The following CSMD1 variants were observed in gnomAD, a reference collection of about 807,000 sequenced individuals.
CSMD1 encodes the protein CUB and Sushi multiple domains 1, also known as CUB and sushi domain-containing protein 1.
In CSMD1, 213 loss-of-function variants were observed where a neutral mutation model predicts 417.5. The ratio of observed to expected loss-of-function variants is 0.51; its 90% CI spans 0.46 to 0.57. The LOEUF is 0.57. CSMD1 is among the 20% of genes least tolerant of loss of function. The pLI is 0.00. For missense variants in CSMD1, 6,923 were observed against 4,529.7 expected, an observed-to-expected ratio of 1.53 and a Z score of -15.17; for synonymous variants, 2,862 against 1,736.8, an observed-to-expected ratio of 1.65 and a Z score of -16.11.
At chr8:3,827,376 G>T (rs745602489) in intron 5 of CSMD1, among the ~76,000 whole-genome samples, 3 of 152,142 alleles carry the variant, frequency 2.0e-5, no homozygotes, top group Non-Finnish European at 2.9e-5. Flanking sequence ...TTCTGTTTCA[G>T]TACCACCTGT....
At chr8:4,094,820 C>T (rs1479583377) in intron 3 of CSMD1, among the ~76,000 whole-genome samples, 2 of 152,046 alleles carry the variant, frequency 1.3e-5, no homozygotes, top group East Asian at 3.9e-4. Context: ...GGAGCAAACG[C>T]TTATCAAGGA....
At chr8:4,453,145 G>C (rs5000535) in intron 2 of CSMD1, among the ~76,000 whole-genome samples, 1 of 151,672 alleles carries the variant, frequency 6.6e-6, no homozygotes, top group South Asian at 2.1e-4. Flanking sequence ...ACCAATTTGA[G>C]GCAAATATGG....
intron 7 of CSMD1, among the ~76,000 whole-genome samples, chr8:3,705,058 G>A (rs540839059): frequency 6.6e-6 from 1 of 152,300 alleles, no homozygotes; most frequent in South Asian, 2.1e-4. Flanking sequence ...GTCCCACCAG[G>A]AAACAGATGT....
chr8:3,726,500 G>A lies in CSMD1; in HGVS notation c.932-18009C>T, dbSNP rs1214504590. On this transcript the variant is annotated intron_variant, in intron 6 of 69. Transcript: ENST00000635120. ...GGGATGCTTTAAACCAGAGATGAGA[G>A]GCCAACTCTGAACACCTTTATTCTC... Among the ~76,000 whole-genome samples the A allele has an allele frequency of 4.6e-5, 7 of 151,982 alleles. No homozygotes were observed. The East Asian group carries it at 1.4e-3, about 29-fold the overall frequency.
intron 1 of CSMD1, among the ~76,000 whole-genome samples, chr8:4,734,678 A>G (rs915294396): frequency 2.6e-5 from 4 of 152,194 alleles, no homozygotes; most frequent in East Asian, 3.9e-4. Context: ...GCTCTTACCC[A>G]TTTGACATGA....
intron 5 of CSMD1, among the ~76,000 whole-genome samples, chr8:3,852,441 G>A (rs529596128): frequency 1.3e-5 from 2 of 152,314 alleles, no homozygotes; most frequent in East Asian, 1.9e-4. Flanking sequence ...AAGACGTCGG[G>A]AAGAGGGTAG....
At chr8:4,667,337 A>G (rs1805004183) in intron 1 of CSMD1, among the ~76,000 whole-genome samples, 1 of 151,960 alleles carries the variant, frequency 6.6e-6, no homozygotes, top group Non-Finnish European at 1.5e-5. Context: ...GCCATTCTAG[A>G]TTCTCTGCTT....
At chr8:3,220,037 C>T (rs978027034) in intron 28 of CSMD1, among the ~76,000 whole-genome samples, 2 of 150,826 alleles carry the variant, frequency 1.3e-5, no homozygotes, top group Non-Finnish European at 2.9e-5. Context: ...CCTAGCTACT[C>T]AGGAAGCTAA....
rs76784286 is a variant in CSMD1 at position 4,370,984 on chromosome 8, G to T, written c.415+48969C>A. ...GGCGAGCTAGTGTGATTGTTTGGAG[G>T]CAAGAAGACACACTGACCTTTAGTG... On this transcript the variant is annotated intron_variant, in intron 3 of 69. Coordinates refer to ENST00000635120, the MANE Select transcript of CSMD1 (RefSeq NM_033225.6). 3.1e-4 allele frequency among the ~76,000 whole-genome samples: 47 copies of T among 152,178 alleles called. 1 individual carries two copies. Among genetic ancestry groups the T allele is most frequent in the Non-Finnish European group, 5.6e-4 (38 of 68,032 alleles).
intron 50 of CSMD1, among the ~76,000 whole-genome samples, chr8:3,045,485 T>A (rs1052130263): frequency 1.3e-5 from 2 of 152,218 alleles, no homozygotes; most frequent in East Asian, 3.8e-4. Flanking sequence ...CATTTACCTG[T>A]GAACTGCAAG....
At chr8:3,710,168 G>GT (rs1333016881) in intron 6 of CSMD1, among the ~76,000 whole-genome samples, 2 of 152,072 alleles carry the variant, frequency 1.3e-5, no homozygotes, top group Admixed American at 6.5e-5. Flanking sequence ...TTGTCTGCAA[G>GT]TTTTTTGTTT....
chr8:4,146,046 G>A (rs983048000), intron 3 of CSMD1, among the ~76,000 whole-genome samples: 2 of 150,730 alleles, frequency 1.3e-5, no homozygotes, highest in Non-Finnish European at 2.9e-5. Flanking sequence ...TGAACACTTA[G>A]CAACATTGCA....
chr8:2,954,626 T>C (rs1197257743), intron 64 of CSMD1, among the ~76,000 whole-genome samples: 2 of 152,192 alleles, frequency 1.3e-5, no homozygotes, highest in Admixed American at 6.5e-5. Context: ...ATAACCATGA[T>C]GTTACAGTCC....
chr8:4,866,178 A>G (rs1802409599), intron 1 of CSMD1, among the ~76,000 whole-genome samples: 1 of 151,974 alleles, frequency 6.6e-6, no homozygotes, highest in Non-Finnish European at 1.5e-5. Context: ...TAAGAGGTGG[A>G]TGACCACCAT....
At chr8:3,564,517 T>TTTTGTG (rs144757433) in intron 10 of CSMD1, among the ~76,000 whole-genome samples, 88 of 145,494 alleles carry the variant, frequency 6.0e-4, no homozygotes, top group Non-Finnish European at 9.3e-4. Context: ...CACAGTATAT[T>TTTTGTG]TGTGTGTGTG....
chr8:4,943,489 C>T (rs1245702937), intron 1 of CSMD1, among the ~76,000 whole-genome samples: 1 of 109,294 alleles, frequency 9.1e-6, no homozygotes, highest in Admixed American at 1.2e-4. Context: ...GAGTGAGACA[C>T]CGTCTCAAAA....
At chr8:4,853,287 A>G (rs1485069710) in intron 1 of CSMD1, among the ~76,000 whole-genome samples, 1 of 152,228 alleles carries the variant, frequency 6.6e-6, no homozygotes, top group African/African-American at 2.4e-5. Flanking sequence ...CAAAGAAAGA[A>G]CAATTTTATG....
intron 3 of CSMD1, among the ~76,000 whole-genome samples, chr8:4,143,219 T>C (rs1402173195): frequency 6.6e-6 from 1 of 151,230 alleles, no homozygotes; most frequent in African/African-American, 2.5e-5. Context: ...CAGAACGGTG[T>C]GGTCTAAACC....
At chr8:3,490,875 A>ATT (rs905479181) in intron 11 of CSMD1, among the ~76,000 whole-genome samples, 17,618 of 151,172 alleles carry the variant, frequency 0.12, 1,334 homozygotes, top group East Asian at 0.26. Context: ...AAAGAAAAAA[A>ATT]TTTTTTTTTA....
Sources: gnomAD v4.1 joint callset for allele counts (sites outside exome capture counted in the v4.1 genomes callset) on GRCh38, gnomAD v4.1.1 for gene constraint, MANE v1.5 for transcripts, NCBI Gene and HGNC (gene_info 2026-07-23, HGNC 2026-07-21) for gene names.